The following NINJ2 variants were observed in gnomAD, a reference collection of about 807,000 sequenced individuals.
NINJ2 encodes the protein ninjurin 2.
Under a neutral mutation model 11.7 loss-of-function variants are expected in NINJ2, and 12 were observed. That is an observed-to-expected ratio of 1.02 (90% CI 0.66 to 1.66). The LOEUF (loss-of-function observed/expected upper bound fraction) is 1.66, where lower values mean the gene tolerates loss of function less well. NINJ2 is among the 40% of genes most tolerant of loss of function. NINJ2 has a pLI of 0.00. For synonymous variants in NINJ2, 93 were observed against 76.8 expected (o/e 1.21, Z -1.10); for missense variants, 187 against 181.8 (o/e 1.03, Z -0.16).
intron 1 of NINJ2, among the ~76,000 whole-genome samples, chr12:599,521 GC>G (rs1257346304): frequency 6.6e-6 from 1 of 152,222 alleles, no homozygotes; most frequent in African/African-American, 2.4e-5. Flanking sequence ...CACACGTTGA[GC>G]AGCGTGTAAG....
chr12:576,324 C>T (rs964712624), intron 1 of NINJ2, among the ~76,000 whole-genome samples: 3 of 152,166 alleles, frequency 2.0e-5, no homozygotes, highest in African/African-American at 7.2e-5. Flanking sequence ...CTCAACCCGC[C>T]CGCGCGGGCA....
chr12:566,037 A>G lies in NINJ2; in HGVS notation c.175T>C (p.Ser59Pro). ...RLKAVLEQGP[S>P]SHYYTTLVTL... The stretch of plus-strand genomic sequence containing the variant: ...ACCAGGGTGGTGTAGTAGTGAGAGG[A>G]TGGTCCCTGCTCCAGCACCGCCTTC... The change falls in exon 2 of 4, where the codon TCC becomes CCC. Residue 59 changes from serine to proline, a missense_variant. Coordinates refer to ENST00000305108, the MANE Select transcript of NINJ2 (RefSeq NM_016533.6). 6.2e-7 allele frequency: 1 copy of G among 1,614,072 alleles called. No homozygotes were observed. Among genetic ancestry groups the G allele is most frequent in the Non-Finnish European group, 8.5e-7 (1 of 1,179,974 alleles).
At chr12:609,415 C>A (rs11615301) in intron 1 of NINJ2, among the ~76,000 whole-genome samples, 3 of 150,970 alleles carry the variant, frequency 2.0e-5, no homozygotes, top group South Asian at 2.1e-4. Flanking sequence ...CAGCCCAATT[C>A]TCTTTTCCAT....
chr12:632,476 C>T (rs1452009763), intron 1 of NINJ2: 1 of 152,236 alleles, frequency 6.6e-6, no homozygotes, highest in Non-Finnish European at 1.5e-5. Context: ...CTGGAATGTT[C>T]ACAGGGTGTC....
In NINJ2 at chr12:565,300, T is replaced by A. The variant is rs1947276988; in HGVS notation, c.364A>T (p.Ile122Phe). Residue 122 changes from isoleucine (I) to phenylalanine (F), a missense_variant, in exon 3 of 4, where the codon ATT (isoleucine) becomes TTT (phenylalanine). Physicochemically the swap from Ile to Phe is conservative, Grantham distance 21. Transcript: ENST00000305108. ...GTTTTATGTGCCCCGAAGGCTGTAA[T>A]GAAAACATTGATGACCACAGTGAAG... Reference protein sequence around the residue: ...VFFTVVINVFITAFGAHKTGF... With the variant: ...VFFTVVINVFFTAFGAHKTGF... The A allele has an allele frequency of 6.8e-6, 11 of 1,614,178 alleles. No homozygotes were observed. The highest frequency in any genetic ancestry group is 5.9e-6 in the Non-Finnish European group (7 of 1,180,018).
At chr12:643,903 C>T (rs1158012833) in intron 1 of NINJ2, 2 of 155,266 alleles carry the variant, frequency 1.3e-5, no homozygotes, top group African/African-American at 2.4e-5. Context: ...GTTTTCATAG[C>T]CCTTATAATA....
intron 1 of NINJ2, among the ~76,000 whole-genome samples, chr12:604,097 TC>T (rs1367689656): frequency 6.6e-6 from 1 of 152,228 alleles, no homozygotes; most frequent in Non-Finnish European, 1.5e-5. Context: ...CCTCCAGCCT[TC>T]TTTTTCAAGA....
chr12:622,409 C>CAAAAAAA (rs1169331783), intron 1 of NINJ2, among the ~76,000 whole-genome samples: 4 of 47,410 alleles, frequency 8.4e-5, no homozygotes, highest in East Asian at 7.3e-4. Context: ...GACTCCGTCT[C>CAAAAAAA]AAAAAAAAAA....
chr12:582,528 C>T (rs1387614203), intron 1 of NINJ2, among the ~76,000 whole-genome samples: 4 of 71,256 alleles, frequency 5.6e-5, no homozygotes, highest in African/African-American at 1.9e-4. Context: ...AATGAATGGA[C>T]GCAGGCAGGC....
intron 1 of NINJ2, chr12:586,329 T>C (rs1424740559): frequency 6.6e-6 from 1 of 152,324 alleles, no homozygotes; most frequent in East Asian, 1.9e-4. Context: ...GGCTGCTTCA[T>C]TATTTCCATC....
At chr12:605,426 C>T (rs1014201570) in intron 1 of NINJ2, among the ~76,000 whole-genome samples, 13 of 152,186 alleles carry the variant, frequency 8.5e-5, no homozygotes, top group South Asian at 6.2e-4. Flanking sequence ...CTGGGAATAG[C>T]GCATGTGCCT....
intron 1 of NINJ2, among the ~76,000 whole-genome samples, chr12:603,889 G>T (rs1347416908): frequency 6.6e-6 from 1 of 152,056 alleles, no homozygotes; most frequent in Non-Finnish European, 1.5e-5. Context: ...TCGAACTCCT[G>T]ACCTCAAGTG....
intron 1 of NINJ2, among the ~76,000 whole-genome samples, chr12:627,362 T>A (rs1948221421): frequency 6.6e-6 from 1 of 152,096 alleles, no homozygotes; most frequent in Non-Finnish European, 1.5e-5. Flanking sequence ...GCTCAAATAT[T>A]TTTTGAGAAT....
chr12:591,857 C>G lies in NINJ2; in HGVS notation c.34-25679G>C, dbSNP rs958668000. On this transcript the variant is annotated intron_variant, in intron 1 of 3. Coordinates refer to ENST00000305108, the MANE Select transcript of NINJ2 (RefSeq NM_016533.6). The surrounding 1 kb of genome is among the most constrained non-coding windows in gnomAD (Gnocchi z 5.0). Reference sequence around the variant, plus strand: ...ACAGGAAAGCCTTCTGAAAGAGTGACGTGGCCGGCGGCAGGTATGGTGTGT... The same window carrying G: ...ACAGGAAAGCCTTCTGAAAGAGTGAGGTGGCCGGCGGCAGGTATGGTGTGT... Among the ~76,000 whole-genome samples, 1 of 149,776 alleles carries G rather than the reference C, an allele frequency of 6.7e-6. No individual in the cohort carries two copies. Among genetic ancestry groups the G allele is most frequent in the Non-Finnish European group, 1.5e-5 (1 of 68,020 alleles).
At chr12:620,703 C>T (rs1346894149) in intron 1 of NINJ2, among the ~76,000 whole-genome samples, 1 of 152,286 alleles carries the variant, frequency 6.6e-6, no homozygotes, top group East Asian at 1.9e-4. Context: ...AATCTTGGCT[C>T]ACTGCAACCT....
chr12:587,541 GGCTCTCT>G (rs1356664568), intron 1 of NINJ2, among the ~76,000 whole-genome samples: 1 of 152,230 alleles, frequency 6.6e-6, no homozygotes, highest in Non-Finnish European at 1.5e-5. Flanking sequence ...GGGCTCCTCA[GGCTCTCT>G]GACCAGTGAA....
chr12:581,667 AG>A lies in NINJ2; in HGVS notation c.34-15490del, dbSNP rs939191325. On this transcript the variant is annotated intron_variant, in intron 1 of 3. Coordinates refer to ENST00000305108, the MANE Select transcript of NINJ2 (RefSeq NM_016533.6). The surrounding 1 kb of genome is among the most constrained non-coding windows in gnomAD (Gnocchi z 4.9). ...GCTCTGGGGAGAAGGTAAGCAGGGG[AG>A]GGCCGGCAAGTGGGTGCAGGGATCT... Among the ~76,000 whole-genome samples the A allele has an allele frequency of 2.6e-5, 4 of 152,028 alleles. No individual in the cohort carries two copies. The highest frequency in any genetic ancestry group is 5.9e-5 in the Non-Finnish European group (4 of 68,000).
chr12:617,153 C>A (rs1238022537), intron 1 of NINJ2, among the ~76,000 whole-genome samples: 1 of 152,150 alleles, frequency 6.6e-6, no homozygotes, highest in African/African-American at 2.4e-5. Flanking sequence ...TTGCAGTGAG[C>A]TGATCACTCC....
intron 1 of NINJ2, among the ~76,000 whole-genome samples, chr12:638,869 C>T (rs929241608): frequency 8.3e-4 from 126 of 152,308 alleles, no homozygotes; most frequent in African/African-American, 3.0e-3. Context: ...CCTCCCACAT[C>T]CAGTACACAG....
Sources: gnomAD v4.1 joint callset for allele counts (sites outside exome capture counted in the v4.1 genomes callset) on GRCh38, gnomAD v4.1.1 for gene constraint, Gnocchi (gnomAD v3.1) non-coding constraint, MANE v1.5 for transcripts, NCBI Gene and HGNC (gene_info 2026-07-23, HGNC 2026-07-21) for gene names.